MAP2: variants seen among roughly 807,000 people sequenced by gnomAD.
The protein encoded by MAP2 is microtubule-associated protein 2.
Under a neutral mutation model 137.6 loss-of-function variants are expected in MAP2, and 14 were observed. That is an observed-to-expected ratio of 0.10 (90% CI 0.07 to 0.16). The LOEUF (loss-of-function observed/expected upper bound fraction) is 0.16, where lower values mean the gene tolerates loss of function less well. Among genes scored for constraint, MAP2 ranks in the 10% least tolerant of loss-of-function variants. The pLI, the probability that MAP2 is intolerant of heterozygous loss-of-function variation, is 1.00. For synonymous variants in MAP2, 786 were observed against 782.3 expected, an observed-to-expected ratio of 1.00 and a Z score of -0.08; for missense variants, 2,088 against 2,191.5, an observed-to-expected ratio of 0.95 and a Z score of 0.94.
At chr2:209,524,800 T>G (rs73984070) in intron 2 of MAP2, among the ~76,000 whole-genome samples, 2 of 152,284 alleles carry the variant, frequency 1.3e-5, no homozygotes, top group African/African-American at 4.8e-5. Context: ...ATGAATAAGC[T>G]TCTATGGATT....
chr2:209,605,469 A>T (rs1439142034), intron 3 of MAP2, among the ~76,000 whole-genome samples: 1 of 152,294 alleles, frequency 6.6e-6, no homozygotes, highest in Admixed American at 6.5e-5. Context: ...GGTTATTATA[A>T]CTATGAATAG....
chr2:209,573,231 G>C (rs1489853255), intron 2 of MAP2, among the ~76,000 whole-genome samples: 1 of 151,708 alleles, frequency 6.6e-6, no homozygotes, highest in Non-Finnish European at 1.5e-5. Context: ...TTGCTGCCTA[G>C]AGACTGGGAC....
chr2:209,686,035 A>T (rs1298121011), intron 7 of MAP2, among the ~76,000 whole-genome samples: 1 of 152,246 alleles, frequency 6.6e-6, no homozygotes, highest in Non-Finnish European at 1.5e-5. Context: ...AGTAACTTGC[A>T]TACATGGGGA....
intron 3 of MAP2, among the ~76,000 whole-genome samples, chr2:209,587,585 C>G (rs2078089304): frequency 6.6e-6 from 1 of 152,100 alleles, no homozygotes; most frequent in Admixed American, 6.6e-5. Context: ...TAGAATGTAA[C>G]TCTAGTCATC....
chr2:209,548,783 T>G (rs1345127428), intron 2 of MAP2, among the ~76,000 whole-genome samples: 9 of 152,134 alleles, frequency 5.9e-5, no homozygotes, highest in Non-Finnish European at 1.3e-4. Flanking sequence ...TTATAAGTGT[T>G]TGGTAGTTCC....
intron 4 of MAP2, among the ~76,000 whole-genome samples, chr2:209,645,025 C>G (rs751612572): frequency 2.0e-5 from 3 of 152,096 alleles, no homozygotes; most frequent in Non-Finnish European, 4.4e-5. Flanking sequence ...TTTAAATAGT[C>G]TGGGAAATAT....
chr2:209,569,411 A>G (rs2074029860), intron 2 of MAP2, among the ~76,000 whole-genome samples: 2 of 152,028 alleles, frequency 1.3e-5, no homozygotes, highest in African/African-American at 4.8e-5. Context: ...TTTGGGATAC[A>G]TTCATGAACA....
At chr2:209,713,889 G>A (rs1165920059) in intron 13 of MAP2, among the ~76,000 whole-genome samples, 3 of 152,088 alleles carry the variant, frequency 2.0e-5, no homozygotes, top group African/African-American at 7.2e-5. Flanking sequence ...ATGAAGATGA[G>A]TATAAAAAGC....
At chr2:209,536,968 C>T (rs1004167620) in intron 2 of MAP2, among the ~76,000 whole-genome samples, 19 of 152,144 alleles carry the variant, frequency 1.2e-4, no homozygotes, top group African/African-American at 3.6e-4. Flanking sequence ...CTCACAGTGG[C>T]GGGACATGTG....
rs2076037536 is a variant in MAP2, at chr2:209,733,460, C to CACACACACACA, written c.*3063_*3064insACACACACACA. ...AATGTACTGATTGTAGTGACCTTCT[C>CACACACACACA]CACACACACACACACACACACACAC... On this transcript the variant is annotated 3_prime_UTR_variant, in exon 16 of 16. Transcript: ENST00000682079. 2.0e-5 allele frequency: 3 copies of CACACACACACA among 148,112 alleles called. No homozygotes were observed. The highest frequency in any genetic ancestry group is 6.8e-5 in the Admixed American group (1 of 14,810). 9.2% of individuals were successfully genotyped at this position (148,112 alleles called of 1,614,324 possible).
At chr2:209,587,308 G>A (rs576638819) in intron 3 of MAP2, among the ~76,000 whole-genome samples, 35 of 152,204 alleles carry the variant, frequency 2.3e-4, no homozygotes, top group African/African-American at 7.5e-4. Context: ...CCTACTAAAA[G>A]CCCCGGGTGA....
intron 5 of MAP2, among the ~76,000 whole-genome samples, chr2:209,657,253 C>T (rs983873869): frequency 6.6e-6 from 1 of 152,116 alleles, no homozygotes; most frequent in African/African-American, 2.4e-5. Flanking sequence ...GTGCAGGTGT[C>T]TTTGATATAA....
At chr2:209,424,685 T>G (rs1276426264) in intron 1 of MAP2, among the ~76,000 whole-genome samples, 1 of 152,238 alleles carries the variant, frequency 6.6e-6, no homozygotes, top group Non-Finnish European at 1.5e-5. Context: ...ATTTTTTTGT[T>G]CATCCAGCTG....
chr2:209,571,305 C>T (rs890000507), intron 2 of MAP2, among the ~76,000 whole-genome samples: 2 of 151,974 alleles, frequency 1.3e-5, no homozygotes, highest in African/African-American at 4.8e-5. Flanking sequence ...CCCCATGTCA[C>T]TGCCACTCAG....
intron 2 of MAP2, among the ~76,000 whole-genome samples, chr2:209,545,639 C>T (rs758419544): frequency 6.6e-6 from 1 of 152,040 alleles, no homozygotes; most frequent in Non-Finnish European, 1.5e-5. Flanking sequence ...TAAAACCTAC[C>T]TTATTGTTTG....
chr2:209,705,779 A>G, intron 12 of MAP2, 52 bp downstream of exon 12: 1 of 1,417,098 alleles, frequency 7.1e-7, no homozygotes, highest in East Asian at 2.3e-5. Context: ...AAATCCTTTA[A>G]GTGGAATAGC....
At chr2:209,579,111 G>A (rs1343785752) in intron 2 of MAP2, among the ~76,000 whole-genome samples, 2 of 152,048 alleles carry the variant, frequency 1.3e-5, no homozygotes, top group African/African-American at 4.8e-5. Flanking sequence ...GTAATTATCT[G>A]CCAATGACAA....
At chr2:209,507,976 A>G (rs2061273958) in intron 2 of MAP2, among the ~76,000 whole-genome samples, 1 of 152,164 alleles carries the variant, frequency 6.6e-6, no homozygotes, top group African/African-American at 2.4e-5. Context: ...CTGACCTTTC[A>G]AAGAATGGTC....
intron 5 of MAP2, among the ~76,000 whole-genome samples, chr2:209,666,823 G>T (rs1364747107): frequency 1.3e-5 from 2 of 151,274 alleles, no homozygotes; most frequent in East Asian, 1.9e-4. Flanking sequence ...TTGATGTGAA[G>T]AAAAAAACTC....
Sources: allele counts gnomAD v4.1 joint callset (sites outside exome capture counted in the v4.1 genomes callset), GRCh38; gene constraint gnomAD v4.1.1; transcripts MANE v1.5; gene names NCBI Gene and HGNC (gene_info 2026-07-23, HGNC 2026-07-21).